SAE1: variants seen among roughly 807,000 people sequenced by gnomAD.
SAE1 encodes the protein SUMO-activating enzyme subunit 1.
SAE1 carries 11 observed loss-of-function variants against 40.6 expected under a neutral mutation model. The ratio of observed to expected loss-of-function variants is 0.27; its 90% CI spans 0.17 to 0.45. The LOEUF (loss-of-function observed/expected upper bound fraction) is 0.45, where lower values mean the gene tolerates loss of function less well. Ranked by LOEUF, SAE1 falls within the 20% of genes least tolerant of loss-of-function variation. The pLI, the probability that SAE1 is intolerant of heterozygous loss-of-function variation, is 1.00. For synonymous variants in SAE1, 155 were observed against 154.3 expected (o/e 1.00, Z -0.03); for missense variants, 373 against 427.3 (o/e 0.87, Z 1.12).
intron 5 of SAE1, among the ~76,000 whole-genome samples, chr19:47,160,347 G>A (rs1236022386): frequency 3.4e-5 from 5 of 147,480 alleles, no homozygotes; most frequent in Admixed American, 6.9e-5. Flanking sequence ...TTAGCCTTCC[G>A]AGTAGCTGGA....
chr19:47,148,480 G>A lies in SAE1; in HGVS notation c.211-1722G>A, dbSNP rs576318014. ...GAAGAAATACTTTGAGAGCAGTATG[G>A]AATCTGTAATCTTACTGGTGGCTAT... On this transcript the variant is annotated intron_variant, in intron 2 of 8. Transcript: ENST00000270225. 5.6e-4 allele frequency among the ~76,000 whole-genome samples: 85 copies of A among 152,134 alleles called. 1 individual carries two copies. The highest frequency in any genetic ancestry group is 1.9e-3 in the African/African-American group (79 of 41,556).
At chr19:47,193,173 TC>T (rs2058590448) in intron 6 of SAE1, among the ~76,000 whole-genome samples, 1 of 150,842 alleles carries the variant, frequency 6.6e-6, no homozygotes, top group Non-Finnish European at 1.5e-5. Flanking sequence ...TTCTCCTGCC[TC>T]AGCCTCCCGA....
At chr19:47,131,494 G>A (rs1473453039) in intron 1 of SAE1, among the ~76,000 whole-genome samples, 1 of 152,008 alleles carries the variant, frequency 6.6e-6, no homozygotes, top group Admixed American at 6.6e-5. Flanking sequence ...TCTTGTGGGA[G>A]CTCACGGGCG....
chr19:47,197,352 G>T lies in SAE1; in HGVS notation c.853G>T (p.Asp285Tyr), dbSNP rs2058622795. The T allele has an allele frequency of 6.2e-7, 1 of 1,613,400 alleles. No homozygotes were observed. The change falls in exon 7 of 9, where the codon GAC becomes TAC. Residue 285 changes from aspartate (D) to tyrosine (Y), a missense_variant. Transcript: ENST00000270225. ...DVLDSLGISP[D>Y]LLPEDFVRYC... ...GCTTGACTCACTGGGTATTAGTCCT[G>T]ACCTGCTTCCTGAGGACTTTGTCAG...
intron 5 of SAE1, among the ~76,000 whole-genome samples, chr19:47,162,534 G>T (rs2058364985): frequency 6.6e-6 from 1 of 152,014 alleles, no homozygotes. Context: ...TTTTGATTAT[G>T]GTTGTCATTT....
chr19:47,192,040 C>T (rs1428796510), intron 6 of SAE1, among the ~76,000 whole-genome samples: 5 of 146,572 alleles, frequency 3.4e-5, no homozygotes, highest in African/African-American at 5.1e-5. Context: ...GGCAACAGAG[C>T]GAGACTCTGT....
At chr19:47,138,611 C>G (rs1166450202) in intron 1 of SAE1, among the ~76,000 whole-genome samples, 1 of 152,056 alleles carries the variant, frequency 6.6e-6, no homozygotes, top group African/African-American at 2.4e-5. Context: ...TCCTAAATGC[C>G]AAGGAAGTTA....
chr19:47,173,499 G>A (rs1338410642), intron 6 of SAE1, among the ~76,000 whole-genome samples: 1 of 152,104 alleles, frequency 6.6e-6, no homozygotes, highest in Non-Finnish European at 1.5e-5. Flanking sequence ...TGTTGAGATG[G>A]ATGAGAAAAT....
At chr19:47,138,040 A>G (rs543461609) in intron 1 of SAE1, among the ~76,000 whole-genome samples, 24 of 143,964 alleles carry the variant, frequency 1.7e-4, no homozygotes, top group South Asian at 8.9e-4. Flanking sequence ...ATGTGTGTGT[A>G]TTTTATTTTT....
intron 1 of SAE1, among the ~76,000 whole-genome samples, chr19:47,134,244 T>C (rs964269581): frequency 6.6e-6 from 1 of 152,012 alleles, no homozygotes; most frequent in Non-Finnish European, 1.5e-5. Context: ...GTGGGTATTG[T>C]GTGAGTACAG....
intron 1 of SAE1, among the ~76,000 whole-genome samples, chr19:47,138,066 G>A (rs573025505): frequency 2.1e-5 from 3 of 144,188 alleles, no homozygotes; most frequent in East Asian, 2.1e-4. Context: ...TTTTTGAGAC[G>A]GAATTTCTCT....
intron 6 of SAE1, among the ~76,000 whole-genome samples, chr19:47,186,906 A>C (rs1250162696): frequency 6.6e-6 from 1 of 152,194 alleles, no homozygotes; most frequent in Non-Finnish European, 1.5e-5. Context: ...GGCGACAGAC[A>C]GAGGCTTACG....
Position 47,131,735 on chromosome 19 carries a change from C to T in SAE1, c.98+707C>T, listed in dbSNP as rs1358998684. On this transcript the variant is annotated intron_variant, in intron 1 of 8. Coordinates refer to ENST00000270225, the MANE Select transcript of SAE1 (RefSeq NM_005500.3). ...TTTTTTTTTTTGAGATAGTCTCTCT[C>T]TGTCGCCCAGGCTGGAGGGCAGTGG... is the stretch of plus-strand genomic sequence containing the variant. 7.3e-5 allele frequency among the ~76,000 whole-genome samples: 9 copies of T among 122,570 alleles called. No individual in the cohort carries two copies. The South Asian group carries it at 1.5e-3, about 20-fold the overall frequency. The allele number at this position is 122,570 out of a possible 152,430, so 80.4% of individuals were successfully genotyped here. A position where few individuals can be genotyped will look rare whatever the true frequency, so the allele number is the denominator to read the frequency against.
chr19:47,159,288 C>G (rs939928489), intron 5 of SAE1, among the ~76,000 whole-genome samples: 1 of 152,130 alleles, frequency 6.6e-6, no homozygotes, highest in African/African-American at 2.4e-5. Flanking sequence ...GCCTTCTCAT[C>G]CTCTCTTACA....
chr19:47,148,665 A>T (rs1403113504), intron 2 of SAE1, among the ~76,000 whole-genome samples: 1 of 148,642 alleles, frequency 6.7e-6, no homozygotes, highest in African/African-American at 2.5e-5. Flanking sequence ...CCCAGGCTGG[A>T]GTGCAGTGGC....
Position 47,188,164 on chromosome 19 carries a change from C to A in SAE1, c.734-9069C>A, listed in dbSNP as rs571336322. On this transcript the variant is annotated intron_variant, in intron 6 of 8. Transcript: ENST00000270225. ...AGGAGTTTGAGACCAGCCTGGGCAA[C>A]ATGGTGAGACCTCGTCTCTACAAAA... 8.6e-5 allele frequency among the ~76,000 whole-genome samples: 13 copies of A among 152,046 alleles called. No homozygotes were observed. In the East Asian group the frequency reaches 2.5e-3, roughly 30 times the overall value.
chr19:47,149,163 CTTTTTTTTTTTTT>C (rs958403274), intron 2 of SAE1, among the ~76,000 whole-genome samples: 1 of 86,482 alleles, frequency 1.2e-5, no homozygotes, highest in African/African-American at 4.7e-5. Context: ...CACTGGTCTA[CTTTTTTTTTTTTT>C]TTTTTTTTTT....
chr19:47,143,682 C>T (rs2058237326), intron 2 of SAE1, 77 bp downstream of exon 2: 1 of 1,028,572 alleles, frequency 9.7e-7, no homozygotes, highest in South Asian at 1.3e-5. Context: ...TTTGTGAGTT[C>T]CTCCTTGTGC....
chr19:47,193,845 GA>G (rs751754287), intron 6 of SAE1, among the ~76,000 whole-genome samples: 2,102 of 111,172 alleles, frequency 0.019, 29 homozygotes, highest in Non-Finnish European at 0.032. Context: ...AAAAAAGAAA[GA>G]AAAGAAAAAG....
Sources: gnomAD v4.1 joint callset for allele counts (sites outside exome capture counted in the v4.1 genomes callset) on GRCh38, gnomAD v4.1.1 for gene constraint, MANE v1.5 for transcripts, NCBI Gene and HGNC (gene_info 2026-07-23, HGNC 2026-07-21) for gene names.